Variants in CHD9 observed in about 807,000 individuals in gnomAD.
CHD9 encodes the protein ATP-dependent chromatin remodeler CHD9.
Under a neutral mutation model 316.1 loss-of-function variants are expected in CHD9, and 77 were observed. That is an observed-to-expected ratio of 0.24 (90% CI 0.20 to 0.29). CHD9 has a LOEUF of 0.29. CHD9 is among the 10% of genes least tolerant of loss of function. The pLI, the probability that CHD9 is intolerant of heterozygous loss-of-function variation, is 1.00. For synonymous variants in CHD9, 1,129 were observed against 1,158.3 expected (o/e 0.97, Z 0.51); for missense variants, 2,763 against 3,438.1 (o/e 0.80, Z 4.91).
At chr16:53,142,850 T>C (rs1268883307) in intron 1 of CHD9, among the ~76,000 whole-genome samples, 1 of 152,196 alleles carries the variant, frequency 6.6e-6, no homozygotes, top group African/African-American at 2.4e-5. Context: ...AAGACATTTA[T>C]TAGTTTTGGA....
chr16:53,208,510 G>A, intron 2 of CHD9: 1 of 1,100,534 alleles, frequency 9.1e-7, no homozygotes, highest in Non-Finnish European at 1.1e-6. Flanking sequence ...ATTTGTTATA[G>A]CCTGTAGGCC....
Position 53,287,696 on chromosome 16 carries a change from C to T in CHD9, c.5190-261C>T, listed in dbSNP as rs773055091. ...GAGCTGAGATTGTGCCACCGCACTC[C>T]GGCCTGGGCGACAAGAGTGAAACTC... On this transcript the variant is annotated intron_variant, in intron 26 of 38. Coordinates refer to ENST00000447540, the MANE Select transcript of CHD9 (RefSeq NM_001308319.2). 7.9e-5 allele frequency among the ~76,000 whole-genome samples: 12 copies of T among 152,006 alleles called. 1 individual carries two copies. Among genetic ancestry groups the T allele is most frequent in the Non-Finnish European group, 1.6e-4 (11 of 67,994 alleles).
At chr16:53,124,943 T>C (rs957414411) in intron 1 of CHD9, among the ~76,000 whole-genome samples, 5 of 152,190 alleles carry the variant, frequency 3.3e-5, no homozygotes, top group African/African-American at 1.2e-4. Flanking sequence ...ATTGTTTGTC[T>C]TTTTTATTGT....
At chr16:53,135,061 A>G (rs1294828025) in intron 1 of CHD9, among the ~76,000 whole-genome samples, 1 of 152,200 alleles carries the variant, frequency 6.6e-6, no homozygotes, top group Admixed American at 6.5e-5. Context: ...TGGTGATTCT[A>G]AGTGGAAACA....
Position 53,325,068 on chromosome 16 carries a change from T to G in CHD9, c.*173T>G. Reference sequence around the variant, plus strand: ...TTTTTGCATGTAATATTTCTTAAGATTCATAAGTTTCTGAACTCGTATGTA... The same window carrying G: ...TTTTTGCATGTAATATTTCTTAAGAGTCATAAGTTTCTGAACTCGTATGTA... On this transcript the variant is annotated 3_prime_UTR_variant, in exon 39 of 39. Coordinates refer to ENST00000447540, the MANE Select transcript of CHD9 (RefSeq NM_001308319.2). 1 of 548,880 alleles carries G rather than the reference T, an allele frequency of 1.8e-6. No homozygotes were observed. The highest frequency in any genetic ancestry group is 3.2e-6 in the Non-Finnish European group (1 of 314,986). 34.0% of individuals were successfully genotyped at this position (548,880 alleles called of 1,614,324 possible).
At chr16:53,208,010 T>C in intron 2 of CHD9, 2 of 995,702 alleles carry the variant, frequency 2.0e-6, no homozygotes, top group South Asian at 8.4e-5. Flanking sequence ...TGCATTTTGA[T>C]GCTTTGTGCA....
intron 12 of CHD9, among the ~76,000 whole-genome samples, chr16:53,240,328 C>A: frequency 6.6e-6 from 1 of 152,210 alleles, no homozygotes; most frequent in East Asian, 1.9e-4. Flanking sequence ...TTGAGACTTA[C>A]AGAGATTTTT....
rs376542644 is a variant in CHD9 at position 53,247,273 on chromosome 16, T to G, written c.3455-20T>G. 115 of 1,542,966 alleles carry G rather than the reference T, an allele frequency of 7.5e-5. 1 individual carries two copies. The Middle Eastern group carries it at 1.5e-3, about 21-fold the overall frequency. The stretch of plus-strand genomic sequence containing the variant: ...CCTGCATTTGCACATTGCTGTTATC[T>G]TCTCCTATTTCTTTGACAGGTGCTG... On this transcript the variant is annotated intron_variant, in intron 15 of 38. Transcript: ENST00000447540.
chr16:53,159,040 T>A (rs2041724959), intron 2 of CHD9, among the ~76,000 whole-genome samples: 1 of 152,084 alleles, frequency 6.6e-6, no homozygotes, highest in South Asian at 2.1e-4. Context: ...TTTGGGAGAT[T>A]GAGGTGAGAG....
chr16:53,205,660 A>AT (rs2045842633), intron 2 of CHD9, among the ~76,000 whole-genome samples: 2 of 152,244 alleles, frequency 1.3e-5, no homozygotes, highest in Admixed American at 6.5e-5. Flanking sequence ...GGTTTATTAA[A>AT]CAGTTGGGAT....
intron 1 of CHD9, among the ~76,000 whole-genome samples, chr16:53,123,392 T>C (rs1229788976): frequency 6.6e-6 from 1 of 152,176 alleles, no homozygotes; most frequent in African/African-American, 2.4e-5. Flanking sequence ...ACCACTAATC[T>C]ACTTTCTGTC....
At position 53,324,595 on chromosome 16, in the gene CHD9, A is replaced by G; in HGVS notation, c.8394A>G (p.Leu2798=). 3 of 1,613,690 alleles carry G rather than the reference A, an allele frequency of 1.9e-6. No individual in the cohort carries two copies. The highest frequency in any genetic ancestry group is 2.5e-6 in the Non-Finnish European group (3 of 1,179,788). The change falls in exon 39 of 39, where the codon CTA becomes CTG. Residue 2798 remains leucine, a synonymous_variant. Transcript: ENST00000447540. The stretch of plus-strand genomic sequence containing the variant: ...CATTAGCTCTTAACCCACTATTACT[A>G]TCTAATATACTTTATCCAGGGATGC... ...ANPLALNPLL[L]SNILYPGMLL... is the part of the protein sequence containing the mutation.
rs1048472494 is a variant in CHD9 at position 53,269,806 on chromosome 16, T to C, written c.4717+1680T>C. Among the ~76,000 whole-genome samples the C allele has an allele frequency of 2.6e-5, 4 of 152,080 alleles. No individual in the cohort carries two copies. The East Asian group carries it at 7.7e-4, about 29-fold the overall frequency. On this transcript the variant is annotated intron_variant, in intron 22 of 38. Coordinates refer to ENST00000447540, the MANE Select transcript of CHD9 (RefSeq NM_001308319.2). Reference sequence around the variant, plus strand: ...TGACTTTCTGCCCCAATCCCACCCCTACCACAGACTATCACAACCTTCAGC... The same window carrying C: ...TGACTTTCTGCCCCAATCCCACCCCCACCACAGACTATCACAACCTTCAGC...
chr16:53,226,293 CTA>C, intron 4 of CHD9, 71 bp from the exon 5 acceptor site: 1 of 1,053,092 alleles, frequency 9.5e-7, no homozygotes, highest in African/African-American at 1.7e-5. Context: ...ATTGCCAACT[CTA>C]GGGGTAATTA....
intron 16 of CHD9, among the ~76,000 whole-genome samples, chr16:53,248,432 A>G (rs2049833296): frequency 6.6e-6 from 1 of 151,732 alleles, no homozygotes; most frequent in South Asian, 2.1e-4. Context: ...ATCTGATAGT[A>G]ACATATTAAT....
chr16:53,106,835 A>G (rs1014904719), intron 1 of CHD9, among the ~76,000 whole-genome samples: 1 of 152,226 alleles, frequency 6.6e-6, no homozygotes, highest in Non-Finnish European at 1.5e-5. Flanking sequence ...GGTAATGTGT[A>G]TGTTCATTGC....
chr16:53,090,755 C>T (rs1334971544), intron 1 of CHD9, among the ~76,000 whole-genome samples: 2 of 152,170 alleles, frequency 1.3e-5, no homozygotes, highest in African/African-American at 4.8e-5. Context: ...TTGGCTTCTC[C>T]CCAGGCTATG....
chr16:53,073,603 G>T (rs547821094), intron 1 of CHD9, among the ~76,000 whole-genome samples: 44 of 152,266 alleles, frequency 2.9e-4, no homozygotes, highest in Non-Finnish European at 4.3e-4. Flanking sequence ...TGGTGGGAGC[G>T]GCCCAGTTGG....
chr16:53,296,434 A>ATTTTTTTTTT (rs35618799), intron 29 of CHD9, among the ~76,000 whole-genome samples: 5 of 101,764 alleles, frequency 4.9e-5, no homozygotes, highest in Admixed American at 1.1e-4. Flanking sequence ...TTAAAAGTAA[A>ATTTTTTTTTT]TTTTTTTTTT....
Sources: gnomAD v4.1 joint callset for allele counts (sites outside exome capture counted in the v4.1 genomes callset) on GRCh38, gnomAD v4.1.1 for gene constraint, MANE v1.5 for transcripts, NCBI Gene and HGNC (gene_info 2026-07-23, HGNC 2026-07-21) for gene names.